Variants in SLC35F5 observed in about 807,000 individuals in gnomAD.
The protein encoded by SLC35F5 is HCV NS5A-transactivated protein 3.
SLC35F5 carries 54 observed loss-of-function variants against 68.6 expected under a neutral mutation model. The observed-to-expected ratio is 0.79, with a 90% CI of 0.63 to 0.99. The LOEUF is 0.99. SLC35F5 is among the 50% of genes least tolerant of loss of function. The probability of loss-of-function intolerance (pLI) is 0.00; values close to 1 mark genes in which losing one functional copy is unlikely to be tolerated. For synonymous variants in SLC35F5, 211 were observed against 205.2 expected, an observed-to-expected ratio of 1.03 and a Z score of -0.24; for missense variants, 567 against 626.9, an observed-to-expected ratio of 0.90 and a Z score of 1.02.
chr2:113,731,519 C>T, intron 10 of SLC35F5, 65 bp downstream of exon 10: 1 of 1,307,288 alleles, frequency 7.6e-7, no homozygotes, highest in Non-Finnish European at 1.1e-6. Flanking sequence ...CATCTGTGCA[C>T]ATGAGCACGC....
intron 1 of SLC35F5, 155 bp downstream of exon 1, chr2:113,756,215 C>A: frequency 4.6e-6 from 7 of 1,510,124 alleles, no homozygotes; most frequent in Non-Finnish European, 5.3e-6. Flanking sequence ...GGCTCCGGCG[C>A]CCCTGTCAGC....
intron 10 of SLC35F5, among the ~76,000 whole-genome samples, chr2:113,730,960 T>C (rs1419651065): frequency 1.3e-5 from 2 of 152,080 alleles, no homozygotes; most frequent in Non-Finnish European, 2.9e-5. Flanking sequence ...AGTAGGGTGG[T>C]TAATTTTAAC....
chr2:113,734,558 C>T (rs2305254), intron 9 of SLC35F5, 28 bp downstream of exon 9: 645,635 of 1,270,712 alleles, frequency 0.51, 170,298 homozygotes, highest in Middle Eastern at 0.61. Context: ...TTAAGCAGAG[C>T]AAACTAGCTA....
intron 10 of SLC35F5, 114 bp downstream of exon 10, chr2:113,731,470 A>C: frequency 1.5e-6 from 1 of 685,352 alleles, no homozygotes; most frequent in Non-Finnish European, 2.4e-6. Flanking sequence ...GAAAAGTTCA[A>C]AAAAAACCCA....
At chr2:113,718,363 A>T (rs1413177231) in intron 14 of SLC35F5, among the ~76,000 whole-genome samples, 1 of 152,140 alleles carries the variant, frequency 6.6e-6, no homozygotes, top group African/African-American at 2.4e-5. Context: ...ACTGGAACCA[A>T]GTTCTTTTTA....
chr2:113,752,914 A>T (rs936440235), intron 3 of SLC35F5, among the ~76,000 whole-genome samples: 5 of 152,296 alleles, frequency 3.3e-5, no homozygotes, highest in African/African-American at 1.2e-4. Context: ...TTTTCAGTTT[A>T]AAGTAAATAG....
chr2:113,735,838 T>C lies in SLC35F5; in HGVS notation c.771A>G (p.Ser257=), dbSNP rs1268976903. 16 of 1,610,038 alleles carry C rather than the reference T, an allele frequency of 9.9e-6. No individual in the cohort carries two copies. Among genetic ancestry groups the C allele is most frequent in the Non-Finnish European group, 1.4e-5 (16 of 1,178,386 alleles). ...GTGTGTCTGAAAGTGCTTCTTGATATGACAAATTTGCCAAAAACCACTAAA... is the reference window on the plus strand; with the variant it reads ...GTGTGTCTGAAAGTGCTTCTTGATACGACAAATTTGCCAAAAACCACTAAA... ...FCFVWFLANL[S]YQEALSDTQV... The change falls in exon 8 of 16, where the codon TCA becomes TCG. Residue 257 remains serine (S), a synonymous_variant. Transcript: ENST00000245680.
chr2:113,719,880 G>GA (rs1004166592), intron 13 of SLC35F5, among the ~76,000 whole-genome samples: 1 of 150,848 alleles, frequency 6.6e-6, no homozygotes, highest in Admixed American at 6.6e-5. Flanking sequence ...ATAAAATAAA[G>GA]AAAAAAATAT....
At chr2:113,741,668 T>G (rs1227158249) in intron 7 of SLC35F5, among the ~76,000 whole-genome samples, 2 of 144,736 alleles carry the variant, frequency 1.4e-5, no homozygotes, top group African/African-American at 5.2e-5. Context: ...GCCATTGCAC[T>G]CCAGCCTGGG....
rs146017411 is a variant in SLC35F5 at position 113,747,150 on chromosome 2, C to T, written c.418-811G>A. On this transcript the variant is annotated intron_variant, in intron 4 of 15. Coordinates refer to ENST00000245680, the MANE Select transcript of SLC35F5 (RefSeq NM_025181.5). Reference sequence around the variant, plus strand: ...AAAAAATGCAAAAATTAGCTAGGCACAGTGGCGCATGCCTGTAATTCCAGC... The same window carrying T: ...AAAAAATGCAAAAATTAGCTAGGCATAGTGGCGCATGCCTGTAATTCCAGC... Among the ~76,000 whole-genome samples, 898 of 151,736 alleles carry T rather than the reference C, an allele frequency of 5.9e-3. 12 individuals carry two copies. Among genetic ancestry groups the T allele is most frequent in the African/African-American group, 0.021 (857 of 41,354 alleles).
In SLC35F5 at chr2:113,709,460, G is replaced by C. The variant is rs1285966275; in HGVS notation, c.*5758C>G. On this transcript the variant is annotated 3_prime_UTR_variant, in exon 16 of 16. Transcript: ENST00000245680. ...AAGAGTGAGGGAAGGACGGACCATG[G>C]GAGTCAGCATTTTTCAAGCATCCAG... is the stretch of plus-strand genomic sequence containing the variant. Among the ~76,000 whole-genome samples, 1 of 152,176 alleles carries C rather than the reference G, an allele frequency of 6.6e-6. No individual in the cohort carries two copies. Among genetic ancestry groups the C allele is most frequent in the Non-Finnish European group, 1.5e-5 (1 of 68,024 alleles).
Position 113,755,156 on chromosome 2 carries a change from G to A in SLC35F5, c.273+9C>T, listed in dbSNP as rs1319047792. 6 of 1,613,204 alleles carry A rather than the reference G, an allele frequency of 3.7e-6. No homozygotes were observed. The highest frequency in any genetic ancestry group is 3.3e-5 in the Admixed American group (2 of 59,910). On this transcript the variant is annotated intron_variant, in intron 3 of 15. Transcript: ENST00000245680. ...AATGTAACATCATTCCTGGACCAAA[G>A]GTACATACCGAAGTAAGTTCAGAGG...
intron 12 of SLC35F5, among the ~76,000 whole-genome samples, chr2:113,723,996 A>G (rs1160847688): frequency 6.6e-6 from 1 of 152,214 alleles, no homozygotes; most frequent in Admixed American, 6.5e-5. Flanking sequence ...GATCCATGGA[A>G]GTTATAGGCA....
At chr2:113,717,874 T>C in intron 14 of SLC35F5, 24 bp from the exon 15 acceptor site, 2 of 1,552,456 alleles carry the variant, frequency 1.3e-6, no homozygotes, top group Admixed American at 1.8e-5. Context: ...AAAGCAGTAA[T>C]TAAGGAAAGC....
At chr2:113,721,840 TAAGGA>T in intron 13 of SLC35F5, among the ~76,000 whole-genome samples, 1 of 152,214 alleles carries the variant, frequency 6.6e-6, no homozygotes, top group African/African-American at 2.4e-5. Context: ...AATTCTCAAT[TAAGGA>T]AAGAATCTCA....
intron 3 of SLC35F5, among the ~76,000 whole-genome samples, chr2:113,753,076 A>G (rs1398027844): frequency 6.6e-6 from 1 of 151,752 alleles, no homozygotes; most frequent in East Asian, 1.9e-4. Flanking sequence ...GACTCATTAT[A>G]ATATTCTACT....
intron 2 of SLC35F5, 32 bp from the exon 3 acceptor site, chr2:113,755,338 G>A: frequency 1.2e-6 from 2 of 1,609,258 alleles, no homozygotes; most frequent in Non-Finnish European, 1.7e-6. Flanking sequence ...TCACATTAGA[G>A]ATGATTTTAG....
chr2:113,736,361 C>T (rs940525260), intron 7 of SLC35F5, among the ~76,000 whole-genome samples: 1 of 150,226 alleles, frequency 6.7e-6, no homozygotes, highest in African/African-American at 2.4e-5. Flanking sequence ...GGGAAGATTA[C>T]TTGAGCCTGG....
chr2:113,743,229 G>A (rs934756742), intron 6 of SLC35F5, among the ~76,000 whole-genome samples: 1 of 151,896 alleles, frequency 6.6e-6, no homozygotes, highest in Non-Finnish European at 1.5e-5. Context: ...TTTTCCTCAC[G>A]CATACCCAAT....
Sources: allele counts gnomAD v4.1 joint callset (sites outside exome capture counted in the v4.1 genomes callset), GRCh38; gene constraint gnomAD v4.1.1; transcripts MANE v1.5; gene names NCBI Gene and HGNC (gene_info 2026-07-23, HGNC 2026-07-21).